ERBB4: variants seen among roughly 807,000 people sequenced by gnomAD.
ERBB4 encodes receptor tyrosine-protein kinase erbB-4.
In ERBB4, 42 loss-of-function variants were observed where a neutral mutation model predicts 158.0. The observed-to-expected ratio is 0.27, with a 90% CI of 0.21 to 0.34. The LOEUF (loss-of-function observed/expected upper bound fraction) is 0.34, where lower values mean the gene tolerates loss of function less well. Ranked by LOEUF, ERBB4 falls within the 10% of genes least tolerant of loss-of-function variation. The pLI is 1.00. For synonymous variants in ERBB4, 583 were observed against 558.7 expected (o/e 1.04, Z -0.61); for missense variants, 1,333 against 1,624.1 (o/e 0.82, Z 3.08).
intron 3 of ERBB4, among the ~76,000 whole-genome samples, chr2:211,836,292 A>G (rs78596616): frequency 0.015 from 2,224 of 152,194 alleles, 69 homozygotes; most frequent in African/African-American, 0.051. Flanking sequence ...AGCAATGAAA[A>G]TAAGAACACA....
chr2:212,111,239 T>C (rs1362725114), intron 2 of ERBB4, among the ~76,000 whole-genome samples: 1 of 152,202 alleles, frequency 6.6e-6, no homozygotes, highest in Non-Finnish European at 1.5e-5. Context: ...ATTAAGTCTT[T>C]CCTTATAATG....
rs2125721133 is a variant in ERBB4, at chr2:211,561,915, G to T, written c.2475C>A (p.Val825=). ...IGSQLLLNWC[V]QIAKGMMYLE... ...GACAGGCACTTACCTTAGCTATCTG[G>T]ACACACCAGTTAAGCAGCAGTTGTG... Residue 825 remains valine, a synonymous_variant, in exon 20 of 28, where the codon GTC becomes GTA. Coordinates refer to ENST00000342788, the MANE Select transcript of ERBB4 (RefSeq NM_005235.3). 1 of 1,613,796 alleles carries T rather than the reference G, an allele frequency of 6.2e-7. No individual in the cohort carries two copies.
intron 12 of ERBB4, among the ~76,000 whole-genome samples, chr2:211,685,440 A>C (rs1426133737): frequency 6.6e-6 from 1 of 152,132 alleles, no homozygotes; most frequent in East Asian, 1.9e-4. Context: ...TATTGGGTAT[A>C]TTTGTGTCAG....
intron 4 of ERBB4, among the ~76,000 whole-genome samples, chr2:211,769,897 T>C (rs2075648639): frequency 6.6e-6 from 1 of 152,174 alleles, no homozygotes; most frequent in African/African-American, 2.4e-5. Context: ...TGAGTCTGCC[T>C]CTCCCAGTCC....
chr2:212,315,013 C>A (rs1407628055), intron 1 of ERBB4, among the ~76,000 whole-genome samples: 1 of 151,098 alleles, frequency 6.6e-6, no homozygotes, highest in African/African-American at 2.4e-5. Context: ...TCTTTCTGTA[C>A]TTTGAGATTA....
chr2:211,817,869 G>C (rs1400865434), intron 3 of ERBB4, among the ~76,000 whole-genome samples: 2 of 152,060 alleles, frequency 1.3e-5, no homozygotes, highest in Non-Finnish European at 2.9e-5. Context: ...ATTTCCACAA[G>C]ATGGAAAGAA....
intron 1 of ERBB4, among the ~76,000 whole-genome samples, chr2:212,224,512 A>G (rs2083409025): frequency 6.6e-6 from 1 of 151,984 alleles, no homozygotes; most frequent in Non-Finnish European, 1.5e-5. Flanking sequence ...AAAAAGGGAA[A>G]GGGGAGGGAA....
At chr2:211,487,373 A>AAAT (rs1559217506) in intron 20 of ERBB4, among the ~76,000 whole-genome samples, 2 of 97,696 alleles carry the variant, frequency 2.0e-5, no homozygotes, top group African/African-American at 8.5e-5. Flanking sequence ...AATAAATAAA[A>AAAT]AAATAAATAA....
intron 1 of ERBB4, among the ~76,000 whole-genome samples, chr2:212,432,003 C>T (rs74605536): frequency 0.024 from 3,640 of 152,266 alleles, 105 homozygotes; most frequent in South Asian, 0.051. Context: ...TCTACCAAAT[C>T]AAGGATTTTT....
At chr2:211,562,769 CTTT>C (rs367801279) in intron 19 of ERBB4, among the ~76,000 whole-genome samples, 7 of 125,706 alleles carry the variant, frequency 5.6e-5, no homozygotes, top group South Asian at 4.7e-4. Flanking sequence ...ACTACTCCAA[CTTT>C]TTTTTTTTTT....
chr2:211,825,540 C>A (rs989575431), intron 3 of ERBB4, among the ~76,000 whole-genome samples: 11 of 151,674 alleles, frequency 7.3e-5, no homozygotes, highest in African/African-American at 2.4e-4. Flanking sequence ...TAGACCCCAG[C>A]TGATTATCTA....
At chr2:211,510,302 G>A (rs1472271314) in intron 20 of ERBB4, among the ~76,000 whole-genome samples, 1 of 152,028 alleles carries the variant, frequency 6.6e-6, no homozygotes, top group African/African-American at 2.4e-5. Flanking sequence ...TAAACACGGG[G>A]CACTCTAAAA....
At chr2:212,459,815 A>C (rs139143917) in intron 1 of ERBB4, among the ~76,000 whole-genome samples, 43 of 152,324 alleles carry the variant, frequency 2.8e-4, no homozygotes, top group African/African-American at 9.6e-4. Context: ...ATGTTCAACA[A>C]AGGCACCAGA....
At chr2:212,533,246 T>C (rs1057078981) in intron 1 of ERBB4, among the ~76,000 whole-genome samples, 2 of 152,254 alleles carry the variant, frequency 1.3e-5, no homozygotes, top group African/African-American at 4.8e-5. Context: ...AATATAGGTA[T>C]ACATGTTTTA....
chr2:211,737,437 C>T (rs2074637458), intron 5 of ERBB4, among the ~76,000 whole-genome samples: 1 of 152,108 alleles, frequency 6.6e-6, no homozygotes, highest in African/African-American at 2.4e-5. Flanking sequence ...AGTGTATATA[C>T]CGAAATGATT....
At chr2:211,646,906 A>G (rs1157425755) in intron 16 of ERBB4, among the ~76,000 whole-genome samples, 2 of 151,712 alleles carry the variant, frequency 1.3e-5, no homozygotes, top group Non-Finnish European at 3.0e-5. Context: ...TTGTGGATTA[A>G]TGTCAGAATA....
chr2:211,617,055 G>C (rs1286812154), intron 19 of ERBB4, among the ~76,000 whole-genome samples: 1 of 151,948 alleles, frequency 6.6e-6, no homozygotes, highest in Non-Finnish European at 1.5e-5. Flanking sequence ...AAAATGGATG[G>C]GGTTAGGAGC....
intron 2 of ERBB4, among the ~76,000 whole-genome samples, chr2:212,098,448 T>C (rs1056296311): frequency 1.3e-5 from 2 of 152,198 alleles, no homozygotes; most frequent in Non-Finnish European, 2.9e-5. Flanking sequence ...TGTTTGTCTT[T>C]ATCTAGGTCT....
At chr2:211,834,531 AGAC>A (rs2077296486) in intron 3 of ERBB4, among the ~76,000 whole-genome samples, 1 of 152,098 alleles carries the variant, frequency 6.6e-6, no homozygotes, top group Admixed American at 6.6e-5. Context: ...TAAGGGAAGA[AGAC>A]ATTTTTTAAT....
Sources: allele counts gnomAD v4.1 joint callset (sites outside exome capture counted in the v4.1 genomes callset), GRCh38; gene constraint gnomAD v4.1.1; transcripts MANE v1.5; gene names NCBI Gene and HGNC (gene_info 2026-07-23, HGNC 2026-07-21).